The following RIN2 variants were observed in gnomAD, a reference collection of about 807,000 sequenced individuals.
RIN2 encodes Ras and Rab interactor 2.
In RIN2, 36 loss-of-function variants were observed where a neutral mutation model predicts 78.0. The ratio of observed to expected loss-of-function variants is 0.46; its 90% CI spans 0.35 to 0.61. The LOEUF is 0.61. RIN2 is among the 20% of genes least tolerant of loss of function. The pLI is 0.00. For synonymous variants in RIN2, 466 were observed against 466.8 expected (o/e 1.00, Z 0.02); for missense variants, 1,087 against 1,159.7 (o/e 0.94, Z 0.91).
rs1213646453 is a variant in RIN2 at position 19,767,992 on chromosome 20, C to T, written c.-163+9665C>T. Among the ~76,000 whole-genome samples the T allele has an allele frequency of 3.3e-5, 5 of 151,560 alleles. No homozygotes were observed. The South Asian group carries it at 8.3e-4, about 25-fold the overall frequency. ...AGAGAGACGGAGGATGTGACCCAGA[C>T]CCTCTGAGGGCTTCAGTCCAGGGAG... On this transcript the variant is annotated intron_variant, in intron 1 of 12. Coordinates refer to ENST00000255006, the MANE Select transcript of RIN2 (RefSeq NM_018993.4).
At chr20:19,859,814 C>G (rs961279055) in intron 2 of RIN2, among the ~76,000 whole-genome samples, 1 of 152,160 alleles carries the variant, frequency 6.6e-6, no homozygotes, top group Non-Finnish European at 1.5e-5. Flanking sequence ...CACCTGCGTT[C>G]TCTATATGGA....
chr20:19,829,417 C>A (rs190352672), intron 2 of RIN2, among the ~76,000 whole-genome samples: 1 of 152,156 alleles, frequency 6.6e-6, no homozygotes, highest in Admixed American at 6.5e-5. Flanking sequence ...ATGCTTTCTC[C>A]CAGGGGTGAG....
intron 2 of RIN2, among the ~76,000 whole-genome samples, chr20:19,883,102 A>G (rs546167944): frequency 6.6e-6 from 1 of 152,214 alleles, no homozygotes; most frequent in East Asian, 1.9e-4. Context: ...CGGGTAGCCA[A>G]GGGGAAGCCA....
At chr20:19,957,399 G>A (rs924593713) in intron 5 of RIN2, among the ~76,000 whole-genome samples, 11 of 152,140 alleles carry the variant, frequency 7.2e-5, no homozygotes, top group Admixed American at 6.5e-4. Flanking sequence ...GACTGGAGCC[G>A]GGCACGGTGG....
intron 3 of RIN2, among the ~76,000 whole-genome samples, chr20:19,912,088 TAATTG>T (rs2039495213): frequency 1.3e-5 from 2 of 152,198 alleles, no homozygotes. Flanking sequence ...TGTGTTTTCA[TAATTG>T]AATTAAGCTA....
At chr20:19,853,942 G>T (rs1404549951) in intron 2 of RIN2, among the ~76,000 whole-genome samples, 1 of 152,208 alleles carries the variant, frequency 6.6e-6, no homozygotes, top group Non-Finnish European at 1.5e-5. Flanking sequence ...TTTTAGTCAT[G>T]AAGTCGTTGC....
At chr20:19,898,708 T>C (rs1424581237) in intron 3 of RIN2, among the ~76,000 whole-genome samples, 3 of 152,202 alleles carry the variant, frequency 2.0e-5, no homozygotes, top group African/African-American at 7.2e-5. Context: ...GTCTGATCTC[T>C]TCATTAATAC....
At chr20:19,872,568 T>A (rs1375008712) in intron 2 of RIN2, among the ~76,000 whole-genome samples, 1 of 152,056 alleles carries the variant, frequency 6.6e-6, no homozygotes, top group Non-Finnish European at 1.5e-5. Context: ...GGAGCAATTC[T>A]CCAACAGTGA....
chr20:19,881,463 T>G (rs1418830749), intron 2 of RIN2, among the ~76,000 whole-genome samples: 1 of 152,196 alleles, frequency 6.6e-6, no homozygotes, highest in Non-Finnish European at 1.5e-5. Flanking sequence ...TACATGAGAT[T>G]CCAGGCAAGA....
intron 11 of RIN2, among the ~76,000 whole-genome samples, chr20:19,993,521 T>TA (rs1301872338): frequency 1.3e-5 from 2 of 151,896 alleles, no homozygotes; most frequent in Non-Finnish European, 2.9e-5. Flanking sequence ...TGACCATGGG[T>TA]AGTGCTGACT....
intron 2 of RIN2, among the ~76,000 whole-genome samples, chr20:19,840,403 C>T (rs1242768828): frequency 6.6e-6 from 1 of 152,182 alleles, no homozygotes. Flanking sequence ...CCAGCGTGAC[C>T]GTGAGCAGGC....
chr20:19,982,249 G>A (rs968152809), intron 9 of RIN2, among the ~76,000 whole-genome samples: 4 of 152,180 alleles, frequency 2.6e-5, no homozygotes, highest in African/African-American at 2.4e-5. Flanking sequence ...GAAGCTGTGC[G>A]TGGCCCTATT....
chr20:19,949,475 G>C (rs199550), intron 4 of RIN2, among the ~76,000 whole-genome samples: 3 of 152,176 alleles, frequency 2.0e-5, no homozygotes, highest in Admixed American at 2.0e-4. Context: ...GGTTGACAGA[G>C]TAAGAATTTG....
At chr20:19,845,721 C>T (rs537628780) in intron 2 of RIN2, among the ~76,000 whole-genome samples, 128 of 152,158 alleles carry the variant, frequency 8.4e-4, no homozygotes, top group Non-Finnish European at 1.4e-3. Flanking sequence ...TGCAGAAGCT[C>T]TTTAGTTTAA....
At chr20:19,967,651 T>G (rs1054297182) in intron 7 of RIN2, among the ~76,000 whole-genome samples, 6 of 152,168 alleles carry the variant, frequency 3.9e-5, no homozygotes, top group African/African-American at 1.4e-4. Flanking sequence ...CTGGCAACGC[T>G]CTGTTGATTT....
chr20:19,775,715 G>A (rs1242705081), intron 1 of RIN2, among the ~76,000 whole-genome samples: 1 of 152,214 alleles, frequency 6.6e-6, no homozygotes, highest in Non-Finnish European at 1.5e-5. Context: ...GGTAGAACAG[G>A]TCTTGGACCA....
intron 2 of RIN2, among the ~76,000 whole-genome samples, chr20:19,856,545 A>G (rs1334010853): frequency 3.3e-5 from 5 of 150,154 alleles, no homozygotes; most frequent in Non-Finnish European, 7.4e-5. Context: ...AAAAAAAAAA[A>G]AGAGAGAGGG....
At chr20:19,915,079 A>C (rs1300760210) in intron 3 of RIN2, among the ~76,000 whole-genome samples, 1 of 152,344 alleles carries the variant, frequency 6.6e-6, no homozygotes, top group East Asian at 1.9e-4. Context: ...AGCGAATCCC[A>C]GCAGGGATTT....
At chr20:19,893,229 G>A (rs994439314) in intron 3 of RIN2, among the ~76,000 whole-genome samples, 3 of 152,162 alleles carry the variant, frequency 2.0e-5, no homozygotes, top group Non-Finnish European at 2.9e-5. Context: ...TTGGAGCTAA[G>A]TTTTGGAGTG....
Sources: allele counts gnomAD v4.1 joint callset (sites outside exome capture counted in the v4.1 genomes callset), GRCh38; gene constraint gnomAD v4.1.1; transcripts MANE v1.5; gene names NCBI Gene and HGNC (gene_info 2026-07-23, HGNC 2026-07-21).